The following AIM2 variants were observed in gnomAD, a reference collection of about 807,000 sequenced individuals.
AIM2 encodes the protein absent in melanoma 2.
AIM2 carries 30 observed loss-of-function variants against 27.7 expected under a neutral mutation model. The observed-to-expected ratio is 1.08, with a 90% CI of 0.81 to 1.47. The LOEUF (loss-of-function observed/expected upper bound fraction) is 1.47, where lower values mean the gene tolerates loss of function less well. AIM2 is among the 40% of genes most tolerant of loss of function. The pLI is 0.00. For missense variants in AIM2, 358 were observed against 411.3 expected (o/e 0.87, Z 1.12); for synonymous variants, 141 against 145.3 (o/e 0.97, Z 0.21).
downstream of AIM2, among the ~76,000 whole-genome samples, chr1:159,060,062 G>A (rs1655781773): frequency 6.6e-6 from 1 of 152,148 alleles, no homozygotes; most frequent in African/African-American, 2.4e-5. Context: ...TTTGAGGTAT[G>A]CAATAGCACC....
intron 1 of AIM2, among the ~76,000 whole-genome samples, chr1:159,086,473 CAGGTGAA>C (rs1656914163): frequency 6.6e-6 from 1 of 152,226 alleles, no homozygotes; most frequent in Non-Finnish European, 1.5e-5. Context: ...CACTAGGCTC[CAGGTGAA>C]TCTGCACATA....
At chr1:159,096,175 C>T (rs1368976519) in intron 1 of AIM2, among the ~76,000 whole-genome samples, 1 of 152,196 alleles carries the variant, frequency 6.6e-6, no homozygotes, top group African/African-American at 2.4e-5. Flanking sequence ...TTGTCCCAGC[C>T]TTCTCCTTTG....
rs540477890 is a variant in AIM2 at position 159,106,014 on chromosome 1, G to C, written c.-16+34417C>G. On this transcript the variant is annotated intron_variant, in intron 1 of 2. Coordinates refer to the AIM2 transcript ENST00000368129. ...AATCATGTTGTCCACAGGCACCCAG[G>C]CTGTTCATGGCAAGGTCATGACAGT... 3.9e-5 allele frequency among the ~76,000 whole-genome samples: 6 copies of C among 152,248 alleles called. No individual in the cohort carries two copies. In the East Asian group the frequency reaches 7.7e-4, roughly 20 times the overall value.
chr1:159,143,003 C>T (rs1648141246), upstream of AIM2, among the ~76,000 whole-genome samples: 1 of 152,182 alleles, frequency 6.6e-6, no homozygotes, highest in African/African-American at 2.4e-5. Flanking sequence ...GTCTCCACAG[C>T]CCCCAGCTCT....
At chr1:159,122,135 A>C (rs1005347049) in intron 1 of AIM2, 1 of 152,180 alleles carries the variant, frequency 6.6e-6, no homozygotes, top group Non-Finnish European at 1.5e-5. Context: ...TCTCAGGAGA[A>C]AGTTTAGTAA....
rs139710805 is a variant in AIM2, at chr1:159,068,511, G to A, written c.396+57C>T. The A allele has an allele frequency of 8.8e-5, 135 of 1,530,674 alleles. 1 individual carries two copies. In the Middle Eastern group the frequency reaches 2.1e-3, roughly 24 times the overall value. The allele number at this position is 1,530,674 out of a possible 1,614,324, so 94.8% of individuals were successfully genotyped here. A position where few individuals can be genotyped will look rare whatever the true frequency, so the allele number is the denominator to read the frequency against. On this transcript the variant is annotated intron_variant, in intron 3 of 5. Coordinates refer to ENST00000368130, the MANE Select transcript of AIM2 (RefSeq NM_004833.3). The stretch of plus-strand genomic sequence containing the variant: ...AAGAACAGAGAACAATATGGGAAGT[G>A]ACAGTGACAGTGATGCTCTTACAAG...
At chr1:159,088,869 C>T (rs1012483233) in intron 1 of AIM2, among the ~76,000 whole-genome samples, 1 of 152,160 alleles carries the variant, frequency 6.6e-6, no homozygotes, top group African/African-American at 2.4e-5. Flanking sequence ...TTGAACTTCT[C>T]GGCCTCGAGA....
intron 1 of AIM2, among the ~76,000 whole-genome samples, chr1:159,103,733 C>T (rs1292826830): frequency 6.6e-6 from 1 of 152,322 alleles, no homozygotes; most frequent in Non-Finnish European, 1.5e-5. Context: ...TTGCACACCT[C>T]TCCTTTCTTC....
At chr1:159,099,911 T>TA (rs1270449453) in intron 1 of AIM2, among the ~76,000 whole-genome samples, 8 of 151,970 alleles carry the variant, frequency 5.3e-5, no homozygotes, top group Non-Finnish European at 1.2e-4. Flanking sequence ...TCTCTGGCCT[T>TA]AAAAAAAATG....
At chr1:159,057,220 A>G in the AIM2 span, among the ~76,000 whole-genome samples, 2 of 152,156 alleles carry the variant, frequency 1.3e-5, no homozygotes, top group African/African-American at 4.8e-5. Flanking sequence ...TGTATGCCCT[A>G]TTCTCCCCTG....
At chr1:159,128,069 T>C (rs1347071117) in intron 1 of AIM2, among the ~76,000 whole-genome samples, 1 of 152,192 alleles carries the variant, frequency 6.6e-6, no homozygotes, top group African/African-American at 2.4e-5. Flanking sequence ...TCTCTCCTAG[T>C]AGAACACATG....
intron 1 of AIM2, among the ~76,000 whole-genome samples, chr1:159,128,254 A>C (rs1369280217): frequency 8.0e-6 from 1 of 124,986 alleles, no homozygotes; most frequent in African/African-American, 3.1e-5. Flanking sequence ...CTTATGTGCC[A>C]AGGCTTACAC....
intron 1 of AIM2, chr1:159,132,418 ATATTT>A (rs971756178): frequency 6.6e-6 from 1 of 152,096 alleles, no homozygotes; most frequent in African/African-American, 2.4e-5. Flanking sequence ...AAGAAAAAAG[ATATTT>A]TATTTAGAGT....
chr1:159,107,127 A>C (rs1657466895), intron 1 of AIM2, among the ~76,000 whole-genome samples: 1 of 152,198 alleles, frequency 6.6e-6, no homozygotes, highest in Admixed American at 6.5e-5. Flanking sequence ...GTCCTTTGGG[A>C]AACAAAAATG....
At chr1:159,139,664 A>G (rs1008013490) in intron 1 of AIM2, among the ~76,000 whole-genome samples, 2 of 152,210 alleles carry the variant, frequency 1.3e-5, no homozygotes, top group Non-Finnish European at 2.9e-5. Context: ...TTATCTGTGG[A>G]TTTTAATTCT....
chr1:159,126,621 C>G (rs897363393), intron 1 of AIM2, among the ~76,000 whole-genome samples: 20 of 142,102 alleles, frequency 1.4e-4, no homozygotes, highest in African/African-American at 5.1e-4. Context: ...TGCACTCCAG[C>G]CTGGGTGACA....
At chr1:159,107,698 C>T (rs190613618) in intron 1 of AIM2, among the ~76,000 whole-genome samples, 27 of 152,098 alleles carry the variant, frequency 1.8e-4, no homozygotes, top group African/African-American at 6.5e-4. Context: ...TCCAAATAAG[C>T]TAATAAGAAA....
At chr1:159,114,760 T>C (rs1430857337) in intron 1 of AIM2, among the ~76,000 whole-genome samples, 1 of 152,158 alleles carries the variant, frequency 6.6e-6, no homozygotes, top group Non-Finnish European at 1.5e-5. Flanking sequence ...GCATTCCCTT[T>C]GAAAACTGGC....
Position 159,066,263 on chromosome 1 carries a change from G to C in AIM2, c.463C>G (p.Pro155Ala). The C allele has an allele frequency of 4.3e-6, 7 of 1,614,110 alleles. No individual in the cohort carries two copies. Among genetic ancestry groups the C allele is most frequent in the Non-Finnish European group, 5.9e-6 (7 of 1,180,022 alleles). ...TTCTTTGCTTTCAGTACCATAACTG[G>C]CAAACAGCGCTTCTGAAACCCTTCT... ...IREGFQKRCL[P>A]VMVLKAKKPF... Residue 155 changes from proline (P) to alanine (A), a missense_variant, in exon 4 of 6, where the codon CCA becomes GCA. Coordinates refer to ENST00000368130, the MANE Select transcript of AIM2 (RefSeq NM_004833.3).
Sources: gnomAD v4.1 joint callset for allele counts (sites outside exome capture counted in the v4.1 genomes callset) on GRCh38, gnomAD v4.1.1 for gene constraint, MANE v1.5 for transcripts, NCBI Gene and HGNC (gene_info 2026-07-23, HGNC 2026-07-21) for gene names.